PHF21B: variants seen among roughly 807,000 people sequenced by gnomAD.
PHF21B encodes the protein PHD finger protein 4.
PHF21B carries 22 observed loss-of-function variants against 62.2 expected under a neutral mutation model. The observed-to-expected ratio is 0.35, with a 90% CI of 0.25 to 0.51. The LOEUF (loss-of-function observed/expected upper bound fraction) is 0.51. Ranked by LOEUF, PHF21B falls within the 20% of genes least tolerant of loss-of-function variation. PHF21B has a pLI of 0.97. For missense variants in PHF21B, 701 were observed against 707.9 expected (o/e 0.99, Z 0.11); for synonymous variants, 341 against 314.7 (o/e 1.08, Z -0.88).
intron 2 of PHF21B, among the ~76,000 whole-genome samples, chr22:44,955,398 T>C (rs2072276084): frequency 6.6e-6 from 1 of 152,208 alleles, no homozygotes; most frequent in Non-Finnish European, 1.5e-5. Context: ...CAGCCTGACC[T>C]GGCTAAGGGG....
chr22:44,920,862 A>G (rs2071522660), intron 2 of PHF21B, among the ~76,000 whole-genome samples: 1 of 152,162 alleles, frequency 6.6e-6, no homozygotes, highest in Non-Finnish European at 1.5e-5. Flanking sequence ...TGGCTATGGG[A>G]TCTTCCATTC....
intron 2 of PHF21B, among the ~76,000 whole-genome samples, chr22:44,926,931 C>T (rs1015228031): frequency 5.9e-5 from 9 of 152,274 alleles, no homozygotes; most frequent in Middle Eastern, 3.4e-3. Flanking sequence ...CACAGCTCTG[C>T]TTCCACACGA....
intron 2 of PHF21B, among the ~76,000 whole-genome samples, chr22:44,986,716 T>C (rs185410134): frequency 6.6e-6 from 1 of 152,288 alleles, no homozygotes; most frequent in East Asian, 1.9e-4. Context: ...TTCCTCAAGT[T>C]ACCGGCTTCT....
At chr22:44,959,197 C>T (rs1449298027) in intron 2 of PHF21B, among the ~76,000 whole-genome samples, 3 of 152,230 alleles carry the variant, frequency 2.0e-5, no homozygotes, top group African/African-American at 7.2e-5. Flanking sequence ...GCTCCCATCT[C>T]AGGACGAGGC....
Position 44,949,247 on chromosome 22 carries a change from G to A in PHF21B, c.121-28757C>T, listed in dbSNP as rs1299402310. On this transcript the variant is annotated intron_variant, in intron 2 of 12. Coordinates refer to ENST00000313237, the MANE Select transcript of PHF21B (RefSeq NM_138415.5). ...ACCTGGGAGGCGGAGGTTGCGGTGA[G>A]CCAAGATCGTGCCATTGCACTTCAG... Among the ~76,000 whole-genome samples the A allele has an allele frequency of 4.8e-5, 7 of 145,038 alleles. No individual in the cohort carries two copies. In the South Asian group the frequency reaches 1.1e-3, roughly 22 times the overall value.
At chr22:44,983,595 T>A (rs555774973) in intron 2 of PHF21B, among the ~76,000 whole-genome samples, 6 of 152,170 alleles carry the variant, frequency 3.9e-5, no homozygotes, top group African/African-American at 1.4e-4. Context: ...TAGCACATCA[T>A]CTTCTGTACT....
At chr22:44,907,678 C>T (rs1419701790) in intron 5 of PHF21B, among the ~76,000 whole-genome samples, 1 of 152,230 alleles carries the variant, frequency 6.6e-6, no homozygotes, top group African/African-American at 2.4e-5. Flanking sequence ...GCGTTCATTA[C>T]TTACATCTAT....
intron 5 of PHF21B, among the ~76,000 whole-genome samples, chr22:44,905,253 T>A (rs1386203459): frequency 6.6e-6 from 1 of 152,224 alleles, no homozygotes; most frequent in Admixed American, 6.5e-5. Flanking sequence ...CATGTTTGCA[T>A]CTCTGTGCTC....
intron 2 of PHF21B, among the ~76,000 whole-genome samples, chr22:44,924,913 C>T (rs1446011354): frequency 6.6e-6 from 1 of 152,160 alleles, no homozygotes; most frequent in Non-Finnish European, 1.5e-5. Context: ...CAAACGCTCA[C>T]CAACAAGTAC....
At chr22:44,928,426 T>A (rs949512071) in intron 2 of PHF21B, among the ~76,000 whole-genome samples, 2 of 152,182 alleles carry the variant, frequency 1.3e-5, no homozygotes, top group African/African-American at 4.8e-5. Flanking sequence ...GAACTTTTTT[T>A]TGAGACGGAG....
intron 12 of PHF21B, 36 bp downstream of exon 12, chr22:44,885,390 G>T: frequency 6.5e-7 from 1 of 1,531,598 alleles, no homozygotes; most frequent in Non-Finnish European, 8.8e-7. Context: ...ACACCTGCAG[G>T]GCTGAGGCCA....
chr22:44,946,713 C>T (rs776739527), intron 2 of PHF21B, among the ~76,000 whole-genome samples: 17 of 152,122 alleles, frequency 1.1e-4, no homozygotes, highest in Non-Finnish European at 2.4e-4. Context: ...CATGTTCCAT[C>T]TCAGGGGGAT....
intron 2 of PHF21B, among the ~76,000 whole-genome samples, chr22:44,934,317 C>T (rs966150524): frequency 6.6e-6 from 1 of 152,228 alleles, no homozygotes; most frequent in East Asian, 1.9e-4. Flanking sequence ...CACCCATCAC[C>T]GCACGCGACC....
rs566490865 is a variant in PHF21B, at chr22:45,008,377, C to T, written c.120+168G>A. 49 of 578,014 alleles carry T rather than the reference C, an allele frequency of 8.5e-5. 1 individual carries two copies. In the South Asian group the frequency reaches 2.3e-3, roughly 27 times the overall value. The allele number at this position is 578,014 out of a possible 1,614,324, so 35.8% of individuals were successfully genotyped here. The stretch of plus-strand genomic sequence containing the variant: ...CTCCCTGCCGCCTCCGAGAACCCGG[C>T]TCTTTCTTTCCAGGAAAGGGGAGGG... On this transcript the variant is annotated intron_variant, in intron 2 of 12. Transcript: ENST00000313237.
chr22:44,985,116 T>C (rs760542133), intron 2 of PHF21B, among the ~76,000 whole-genome samples: 4 of 152,244 alleles, frequency 2.6e-5, no homozygotes, highest in Non-Finnish European at 4.4e-5. Flanking sequence ...CGAAAACTTT[T>C]TGCTCCTGCT....
chr22:44,927,383 C>A (rs1481732727), intron 2 of PHF21B, among the ~76,000 whole-genome samples: 1 of 152,210 alleles, frequency 6.6e-6, no homozygotes, highest in African/African-American at 2.4e-5. Flanking sequence ...AAGTATCCAG[C>A]ACCCTTAGCT....
At chr22:44,973,259 A>T (rs908979957) in intron 2 of PHF21B, among the ~76,000 whole-genome samples, 3 of 152,214 alleles carry the variant, frequency 2.0e-5, no homozygotes, top group African/African-American at 7.2e-5. Flanking sequence ...TCCGCCAAAG[A>T]AGCAAAGAGA....
chr22:44,956,201 C>A (rs780081406), intron 2 of PHF21B, among the ~76,000 whole-genome samples: 5 of 152,128 alleles, frequency 3.3e-5, no homozygotes, highest in Non-Finnish European at 7.4e-5. Flanking sequence ...TACAGGGGAA[C>A]CAAGGGAGGA....
intron 7 of PHF21B, among the ~76,000 whole-genome samples, chr22:44,892,430 C>T (rs949105057): frequency 1.3e-5 from 2 of 152,230 alleles, no homozygotes; most frequent in African/African-American, 2.4e-5. Flanking sequence ...AACTGGCTGC[C>T]GCTCTGCGCG....
Sources: allele counts gnomAD v4.1 joint callset (sites outside exome capture counted in the v4.1 genomes callset), GRCh38; gene constraint gnomAD v4.1.1; transcripts MANE v1.5; gene names NCBI Gene and HGNC (gene_info 2026-07-23, HGNC 2026-07-21).